MPZL3: variants seen among roughly 807,000 people sequenced by gnomAD.
MPZL3 encodes myelin protein zero-like protein 3.
A neutral mutation model predicts 24.8 loss-of-function variants in MPZL3; 23 were observed. That is an observed-to-expected ratio of 0.93 (90% CI 0.67 to 1.31). The LOEUF (loss-of-function observed/expected upper bound fraction) is 1.31, where lower values mean the gene tolerates loss of function less well. Ranked by LOEUF, MPZL3 falls within the 40% of genes most tolerant of loss-of-function variation. The pLI, the probability that MPZL3 is intolerant of heterozygous loss-of-function variation, is 0.00. For missense variants in MPZL3, 277 were observed against 294.9 expected (o/e 0.94, Z 0.44); for synonymous variants, 99 against 106.5 (o/e 0.93, Z 0.44).
intron 2 of MPZL3, among the ~76,000 whole-genome samples, chr11:118,239,115 C>G (rs1949462353): frequency 6.6e-6 from 1 of 152,176 alleles, no homozygotes; most frequent in Non-Finnish European, 1.5e-5. Flanking sequence ...GAGAGCAGCA[C>G]TAGGAGAGAG....
At chr11:118,238,230 G>T (rs1412787133) in intron 2 of MPZL3, among the ~76,000 whole-genome samples, 1 of 152,140 alleles carries the variant, frequency 6.6e-6, no homozygotes, top group Non-Finnish European at 1.5e-5. Flanking sequence ...AGTGACAAAA[G>T]GGAGATTTTT....
rs193152335 is a variant in MPZL3, at chr11:118,246,019, A to T, written c.74-5642T>A. 2.1e-3 allele frequency among the ~76,000 whole-genome samples: 316 copies of T among 152,322 alleles called. 2 individuals are homozygous for T. The highest frequency in any genetic ancestry group is 7.4e-3 in the African/African-American group (309 of 41,578). On this transcript the variant is annotated intron_variant, in intron 1 of 5. Transcript: ENST00000278949. ...GAGATATGGGTTACAATTTAAGATT[A>T]GAATCTCTTTAGTTTCCCTCCAACC...
At position 118,237,149 on chromosome 11, in the gene MPZL3, G is replaced by T; in HGVS notation, c.352C>A (p.Pro118Thr). 1 of 1,613,982 alleles carries T rather than the reference G, an allele frequency of 6.2e-7. No individual in the cohort carries two copies. Reference protein sequence around the residue: ...KGDASISISNPTIKDNGTFSC... With the variant: ...KGDASISISNTTIKDNGTFSC... The stretch of plus-strand genomic sequence containing the variant: ...AATGTCCCATTGTCCTTTATGGTAG[G>T]GTTGCTTATACTTATAGATGCATCC... Residue 118 changes from proline (P) to threonine (T), a missense_variant, in exon 3 of 6, where the codon CCT becomes ACT. Coordinates refer to ENST00000278949, the MANE Select transcript of MPZL3 (RefSeq NM_198275.3).
At chr11:118,248,921 G>A (rs1265998536) in intron 1 of MPZL3, among the ~76,000 whole-genome samples, 3 of 152,154 alleles carry the variant, frequency 2.0e-5, no homozygotes, top group Non-Finnish European at 4.4e-5. Flanking sequence ...CCTTTTAAAA[G>A]TGTTTAGTTT....
intron 4 of MPZL3, among the ~76,000 whole-genome samples, chr11:118,234,812 G>C (rs979135694): frequency 1.3e-5 from 2 of 151,960 alleles, no homozygotes; most frequent in Non-Finnish European, 2.9e-5. Context: ...CCCTGACATA[G>C]ATAATGGAGA....
In MPZL3 at chr11:118,228,391, GTC is replaced by G. The variant is rs1358837811; in HGVS notation, c.*1501_*1502del. The G allele has an allele frequency of 6.6e-6, 1 of 152,124 alleles. No homozygotes were observed. Among genetic ancestry groups the G allele is most frequent in the Non-Finnish European group, 1.5e-5 (1 of 68,026 alleles). The allele number at this position is 152,124 out of a possible 1,614,324, so 9.4% of individuals were successfully genotyped here. A position where few individuals can be genotyped will look rare whatever the true frequency, so the allele number is the denominator to read the frequency against. ...AGAGACAGGTGAGGGGATAATTTTTGTCTCTCATAATTGAGAAGTAAATCCAA... is the reference window on the plus strand; with the variant it reads ...AGAGACAGGTGAGGGGATAATTTTTGTCTCATAATTGAGAAGTAAATCCAA... On this transcript the variant is annotated 3_prime_UTR_variant, in exon 6 of 6. Coordinates refer to ENST00000278949, the MANE Select transcript of MPZL3 (RefSeq NM_198275.3).
In MPZL3 at chr11:118,241,594, C is replaced by T. The variant is rs186490746; in HGVS notation, c.74-1217G>A. ...CACATACAACACTAAGAAGCCTACCCGAACCAGAGTAAGTGCTCAGTGCGT... is the reference window on the plus strand; with the variant it reads ...CACATACAACACTAAGAAGCCTACCTGAACCAGAGTAAGTGCTCAGTGCGT... On this transcript the variant is annotated intron_variant, in intron 1 of 5. Coordinates refer to ENST00000278949, the MANE Select transcript of MPZL3 (RefSeq NM_198275.3). Among the ~76,000 whole-genome samples, 50 of 152,298 alleles carry T rather than the reference C, an allele frequency of 3.3e-4. No individual in the cohort carries two copies. The East Asian group carries it at 8.3e-3, about 25-fold the overall frequency.
At position 118,246,093 on chromosome 11, in the gene MPZL3, ATC is replaced by A. The variant is rs551156571; in HGVS notation, c.74-5718_74-5717del. On this transcript the variant is annotated intron_variant, in intron 1 of 5. Transcript: ENST00000278949. ...ACATACACACACACATACTCACTCTATCTCTGTCTCCCCACATCTCTGACAGT... is the reference window on the plus strand; with the variant it reads ...ACATACACACACACATACTCACTCTATCTGTCTCCCCACATCTCTGACAGT... Among the ~76,000 whole-genome samples the A allele has an allele frequency of 2.4e-3, 365 of 152,242 alleles. 2 individuals are homozygous for A. The highest frequency in any genetic ancestry group is 8.5e-3 in the African/African-American group (352 of 41,560).
intron 1 of MPZL3, among the ~76,000 whole-genome samples, chr11:118,240,783 A>ACACACACTCTCT (rs1418485892): frequency 2.8e-5 from 4 of 140,546 alleles, no homozygotes; most frequent in African/African-American, 1.1e-4. Flanking sequence ...ACACACACAC[A>ACACACACTCTCT]CTCTGGGAAT....
Position 118,235,457 on chromosome 11 carries a change from C to A in MPZL3, c.584G>T (p.Gly195Val). The change falls in exon 4 of 6, where the codon GGC (glycine) becomes GTC (valine). Residue 195 changes from glycine (G) to valine (V), a missense_variant. Physicochemically the swap from Gly to Val is moderately radical, Grantham distance 109. Transcript: ENST00000278949. ...AAGLKKRSRS[G>V]YKKSSIEVSD... ...AACCTCAATAGATGACTTCTTATAG[C>A]CAGACCTGCTCCTCTTCTTCAGCCC... 6.2e-7 allele frequency: 1 copy of A among 1,613,916 alleles called. No individual in the cohort carries two copies. The highest frequency in any genetic ancestry group is 8.5e-7 in the Non-Finnish European group (1 of 1,179,882).
At chr11:118,233,331 T>C in intron 5 of MPZL3, 129 bp downstream of exon 5, 1 of 994,138 alleles carries the variant, frequency 1.0e-6, no homozygotes, top group Non-Finnish European at 1.6e-6. Context: ...TGGGGAAAGA[T>C]GCTGGTTCAT....
rs1949629316 is a variant in MPZL3, at chr11:118,252,220, A to G, written c.73+2T>C. The G allele has an allele frequency of 6.2e-7, 1 of 1,613,434 alleles. No homozygotes were observed. The stretch of plus-strand genomic sequence containing the variant: ...TGGAGCGTAGCCAGCCGGAGCACTC[A>G]CCCTGGAAGAACAGGACGCCCAGCA... On this transcript the variant is annotated splice_donor_variant, in intron 1 of 5. Coordinates refer to ENST00000278949, the MANE Select transcript of MPZL3 (RefSeq NM_198275.3). LOFTEE classifies it high-confidence loss of function.
At chr11:118,233,016 T>C (rs903336178) in intron 5 of MPZL3, among the ~76,000 whole-genome samples, 3 of 152,298 alleles carry the variant, frequency 2.0e-5, no homozygotes, top group African/African-American at 7.2e-5. Flanking sequence ...AACTTGGGCC[T>C]TCCAGGGTGG....
At chr11:118,230,493 A>G (rs1001867235) in intron 5 of MPZL3, among the ~76,000 whole-genome samples, 7 of 152,124 alleles carry the variant, frequency 4.6e-5, no homozygotes, top group African/African-American at 1.7e-4. Flanking sequence ...ATAAGCACTC[A>G]TTCAAGATTA....
chr11:118,243,495 G>A (rs762972047), intron 1 of MPZL3, among the ~76,000 whole-genome samples: 5 of 152,146 alleles, frequency 3.3e-5, no homozygotes, highest in South Asian at 2.1e-4. Flanking sequence ...TAGGCCAGGC[G>A]TGGTGGCTCA....
intron 1 of MPZL3, among the ~76,000 whole-genome samples, chr11:118,249,671 A>G (rs1012152405): frequency 1.3e-5 from 2 of 152,128 alleles, no homozygotes; most frequent in Admixed American, 6.6e-5. Flanking sequence ...CTAAAATACA[A>G]ATCTACTGAT....
At chr11:118,246,668 T>C (rs774749796) in intron 1 of MPZL3, among the ~76,000 whole-genome samples, 3 of 144,092 alleles carry the variant, frequency 2.1e-5, no homozygotes, top group Non-Finnish European at 3.0e-5. Context: ...CATTGCAACC[T>C]CTGCCTCCCA....
intron 2 of MPZL3, 135 bp downstream of exon 2, chr11:118,240,076 G>A: frequency 1.2e-6 from 1 of 824,890 alleles, no homozygotes; most frequent in Non-Finnish European, 1.8e-6. Context: ...TAGGATAAAA[G>A]TTCATCTATC....
chr11:118,240,414 A>T, intron 1 of MPZL3, 37 bp from the exon 2 acceptor site: 8 of 1,573,888 alleles, frequency 5.1e-6, no homozygotes, highest in Non-Finnish European at 6.9e-6. Context: ...AAATGCATTC[A>T]TGTGGGTGGA....
Sources: allele counts gnomAD v4.1 joint callset (sites outside exome capture counted in the v4.1 genomes callset), GRCh38; gene constraint gnomAD v4.1.1; transcripts MANE v1.5; gene names NCBI Gene and HGNC (gene_info 2026-07-23, HGNC 2026-07-21).